The following GOLGA8A variants were observed in gnomAD, a reference collection of about 807,000 sequenced individuals.
GOLGA8A encodes the protein golgin A8 family member A.
GOLGA8A carries 3 observed loss-of-function variants against 22.1 expected under a neutral mutation model. That is an observed-to-expected ratio of 0.14 (90% CI 0.06 to 0.35). The LOEUF is 0.35. GOLGA8A is among the 10% of genes least tolerant of loss of function. The pLI is 1.00. For synonymous variants in GOLGA8A, 7 were observed against 91.7 expected (o/e 0.08, Z 5.28); for missense variants, 16 against 233.2 (o/e 0.07, Z 6.07).
At chr15:34,434,487 G>A (rs75301866) in intron 2 of GOLGA8A, among the ~76,000 whole-genome samples, 1 of 149,246 alleles carries the variant, frequency 6.7e-6, no homozygotes, top group Admixed American at 6.8e-5. Context: ...AGAGAGGGGA[G>A]GATTGGCTTC....
chr15:34,437,027 G>T (rs1324890254), intron 1 of GOLGA8A, among the ~76,000 whole-genome samples: 3 of 148,932 alleles, frequency 2.0e-5, no homozygotes, highest in African/African-American at 2.5e-5. Flanking sequence ...ACGCACCAGC[G>T]GCCCGACCAG....
At position 34,428,116 on chromosome 15, in the gene GOLGA8A, G is replaced by C. The variant is rs1299371415; in HGVS notation, c.-1123+7267C>G. Among the ~76,000 whole-genome samples the C allele has an allele frequency of 8.3e-5, 12 of 143,774 alleles. 1 individual carries two copies. Among genetic ancestry groups the C allele is most frequent in the African/African-American group, 1.3e-4 (5 of 38,828 alleles). The allele number at this position is 143,774 out of a possible 152,430, so 94.3% of individuals were successfully genotyped here. A position where few individuals can be genotyped will look rare whatever the true frequency, so the allele number is the denominator to read the frequency against. The stretch of plus-strand genomic sequence containing the variant: ...GACTTCTTTTTTTTTTTTTGAGAGA[G>C]AGAAGTTCTCACTCTGTCACCCAGG... On this transcript the variant is annotated intron_variant, in intron 2 of 24. Coordinates refer to ENST00000359187, the MANE Select transcript of GOLGA8A (RefSeq NM_181077.5).
intron 23 of GOLGA8A, 33 bp downstream of exon 23, chr15:34,381,929 ACCCCAC>A (rs1891551615): frequency 1.8e-4 from 18 of 98,156 alleles, no homozygotes; most frequent in Admixed American, 3.4e-4. Context: ...CCACACCCCC[ACCCCAC>A]CCCCACCCCC....
At chr15:34,386,110 A>G (rs1269383876) in intron 12 of GOLGA8A, among the ~76,000 whole-genome samples, 1 of 147,660 alleles carries the variant, frequency 6.8e-6, no homozygotes, top group African/African-American at 2.7e-5. Context: ...CTGAGCACGT[A>G]CGGGCCAGGG....
rs189347352 is a variant in GOLGA8A at position 34,433,479 on chromosome 15, A to C, written c.-1123+1904T>G. On this transcript the variant is annotated intron_variant, in intron 2 of 24. Transcript: ENST00000359187. Reference sequence around the variant, plus strand: ...CATTCTTTGGGCTGGTTACCTTCCCAAACACGTTCTCCTCTGGCCTATGTG... The same window carrying C: ...CATTCTTTGGGCTGGTTACCTTCCCCAACACGTTCTCCTCTGGCCTATGTG... Among the ~76,000 whole-genome samples, 11 of 149,478 alleles carry C rather than the reference A, an allele frequency of 7.4e-5. 1 individual carries two copies. In the East Asian group the frequency reaches 2.2e-3, roughly 29 times the overall value.
chr15:34,424,000 T>C (rs2554792), intron 2 of GOLGA8A, among the ~76,000 whole-genome samples: 91,284 of 133,066 alleles, frequency 0.69, 29,057 homozygotes, highest in Non-Finnish European at 0.73. Flanking sequence ...CAGCCACTGA[T>C]AGCACCTGAG....
rs1019634340 is a variant in GOLGA8A, at chr15:34,425,933, G to A, written c.-1123+9450C>T. Among the ~76,000 whole-genome samples the A allele has an allele frequency of 2.9e-4, 41 of 143,528 alleles. 4 individuals are homozygous for A. Among genetic ancestry groups the A allele is most frequent in the African/African-American group, 1.0e-3 (41 of 39,664 alleles). 94.2% of individuals were successfully genotyped at this position (143,528 alleles called of 152,430 possible). A position where few individuals can be genotyped will look rare whatever the true frequency, so the allele number is the denominator to read the frequency against. ...CACAAAGACTGATCATGTCCAGAGA[G>A]CGTCGATGTCCAGAGAGTGTCGATG... On this transcript the variant is annotated intron_variant, in intron 2 of 24. Coordinates refer to ENST00000359187, the MANE Select transcript of GOLGA8A (RefSeq NM_181077.5).
intron 8 of GOLGA8A, among the ~76,000 whole-genome samples, chr15:34,397,542 C>A (rs1459104922): frequency 6.8e-6 from 1 of 147,528 alleles, no homozygotes; most frequent in Non-Finnish European, 1.5e-5. Context: ...ATTGGGTTCA[C>A]TACTTGAATG....
At chr15:34,387,424 CAAACCCA>C in intron 11 of GOLGA8A, 1 of 62,166 alleles carries the variant, frequency 1.6e-5, no homozygotes, top group South Asian at 1.0e-4. Flanking sequence ...AGGCAGGATT[CAAACCCA>C]GAATTCTTTT....
At chr15:34,432,229 G>A (rs867639413) in intron 2 of GOLGA8A, among the ~76,000 whole-genome samples, 13 of 149,298 alleles carry the variant, frequency 8.7e-5, no homozygotes, top group African/African-American at 3.0e-4. Context: ...GTCATCTGTG[G>A]CATTTCCACG....
At chr15:34,420,238 C>T (rs76820863) in intron 2 of GOLGA8A, 3 of 145,862 alleles carry the variant, frequency 2.1e-5, no homozygotes, top group Non-Finnish European at 3.0e-5. Flanking sequence ...CGGGTAACCA[C>T]GAGCCTGGGG....
chr15:34,436,830 G>A (rs1893540114), intron 1 of GOLGA8A, among the ~76,000 whole-genome samples: 1 of 149,988 alleles, frequency 6.7e-6, no homozygotes, highest in African/African-American at 2.5e-5. Context: ...CCCGGCGCCT[G>A]CAGCCCAGGG....
At chr15:34,430,400 C>T (rs1375675820) in intron 2 of GOLGA8A, among the ~76,000 whole-genome samples, 1 of 149,158 alleles carries the variant, frequency 6.7e-6, no homozygotes, top group Non-Finnish European at 1.5e-5. Context: ...AAAACAAAGG[C>T]ACTTCTAGTA....
chr15:34,428,566 T>C lies in GOLGA8A; in HGVS notation c.-1123+6817A>G, dbSNP rs77967313. 2 of 148,650 alleles carry C rather than the reference T, an allele frequency of 1.3e-5. 1 individual carries two copies. Among genetic ancestry groups the C allele is most frequent in the Admixed American group, 1.4e-4 (2 of 14,644 alleles). The allele number at this position is 148,650 out of a possible 1,614,324, so 9.2% of individuals were successfully genotyped here. A position where few individuals can be genotyped will look rare whatever the true frequency, so the allele number is the denominator to read the frequency against. ...ACTGTCCCCCACCTCCACACCATGC[T>C]AGTGAGAAAAACAGACTGCCTGCAG... is the stretch of plus-strand genomic sequence containing the variant. On this transcript the variant is annotated intron_variant, in intron 2 of 24. Transcript: ENST00000359187.
chr15:34,421,308 C>T (rs1362555352), intron 2 of GOLGA8A, among the ~76,000 whole-genome samples: 1 of 142,926 alleles, frequency 7.0e-6, no homozygotes, highest in East Asian at 2.2e-4. Flanking sequence ...ATGAAGGTAC[C>T]CAAAAGTTGT....
chr15:34,400,805 C>G (rs1450255914), intron 5 of GOLGA8A, 46 bp from the exon 6 acceptor site: 19 of 144,164 alleles, frequency 1.3e-4, no homozygotes, highest in African/African-American at 4.7e-4. Context: ...AGGGTCATAT[C>G]AAGAAAGTTC....
intron 1 of GOLGA8A, among the ~76,000 whole-genome samples, chr15:34,435,995 T>A (rs1252850273): frequency 2.7e-5 from 4 of 149,116 alleles, no homozygotes; most frequent in Admixed American, 6.8e-5. Flanking sequence ...GCCCAGGCTG[T>A]GGGGGAAGGC....
At chr15:34,417,639 G>A (rs1194186240) in intron 2 of GOLGA8A, 2 of 145,542 alleles carry the variant, frequency 1.4e-5, no homozygotes, top group Non-Finnish European at 3.0e-5. Flanking sequence ...GAATGCATAC[G>A]GTAGTGTTTT....
At position 34,427,340 on chromosome 15, in the gene GOLGA8A, A is replaced by G. The variant is rs1175160948; in HGVS notation, c.-1123+8043T>C. On this transcript the variant is annotated intron_variant, in intron 2 of 24. Transcript: ENST00000359187. ...AGTGAGACTCCGTCACAAAAAAAAAAAAAAAAAAAAAATTCACCAGAAGTT... is the reference window on the plus strand; with the variant it reads ...AGTGAGACTCCGTCACAAAAAAAAAGAAAAAAAAAAAATTCACCAGAAGTT... Among the ~76,000 whole-genome samples, 12 of 147,464 alleles carry G rather than the reference A, an allele frequency of 8.1e-5. 2 individuals carry two copies. Among genetic ancestry groups the G allele is most frequent in the African/African-American group, 3.0e-4 (12 of 39,760 alleles).
Sources: gnomAD v4.1 joint callset for allele counts (sites outside exome capture counted in the v4.1 genomes callset) on GRCh38, gnomAD v4.1.1 for gene constraint, MANE v1.5 for transcripts, NCBI Gene and HGNC (gene_info 2026-07-23, HGNC 2026-07-21) for gene names.